The following RGS7BP variants were observed in gnomAD, a reference collection of about 807,000 sequenced individuals.
RGS7BP encodes regulator of G protein signaling 7 binding protein, also known as regulator of G protein signaling 7-binding protein.
In RGS7BP, 9 loss-of-function variants were observed where a neutral mutation model predicts 31.3. The observed-to-expected ratio is 0.29, with a 90% CI of 0.17 to 0.50. RGS7BP has a LOEUF of 0.50. Among genes scored for constraint, RGS7BP ranks in the 20% least tolerant of loss-of-function variants. The pLI is 0.98. For missense variants in RGS7BP, 274 were observed against 322.0 expected, an observed-to-expected ratio of 0.85 and a Z score of 1.14; for synonymous variants, 115 against 120.1, an observed-to-expected ratio of 0.96 and a Z score of 0.28.
chr5:64,520,317 C>T (rs751230526), intron 2 of RGS7BP, among the ~76,000 whole-genome samples: 34 of 152,222 alleles, frequency 2.2e-4, no homozygotes, highest in Middle Eastern at 3.4e-3. Flanking sequence ...GTCTCCTTTC[C>T]CCTGGACACA....
At chr5:64,509,144 T>G (rs2111868594) in intron 2 of RGS7BP, among the ~76,000 whole-genome samples, 1 of 152,222 alleles carries the variant, frequency 6.6e-6, no homozygotes, top group South Asian at 2.1e-4. Context: ...AATTAAGTGG[T>G]TCAGGAGTTT....
intron 2 of RGS7BP, among the ~76,000 whole-genome samples, chr5:64,562,466 TCA>T (rs1561335649): frequency 6.6e-6 from 1 of 152,128 alleles, no homozygotes; most frequent in Non-Finnish European, 1.5e-5. Context: ...TTGCCCAAAA[TCA>T]CACACTTGTA....
At position 64,597,562 on chromosome 5, in the gene RGS7BP, T is replaced by C. The variant is rs115572918; in HGVS notation, c.612-803T>C. Among the ~76,000 whole-genome samples, 1,004 of 151,710 alleles carry C rather than the reference T, an allele frequency of 6.6e-3. 13 individuals carry two copies. Among genetic ancestry groups the C allele is most frequent in the African/African-American group, 0.023 (962 of 41,358 alleles). On this transcript the variant is annotated intron_variant, in intron 4 of 5. Coordinates refer to ENST00000334025, the MANE Select transcript of RGS7BP (RefSeq NM_001029875.3). The stretch of plus-strand genomic sequence containing the variant: ...CCTGGTGAACGCTTAATACCTGAGT[T>C]ATGCTGAATTCCAATCGTAGTAACA...
At position 64,527,606 on chromosome 5, in the gene RGS7BP, T is replaced by TAAA. The variant is rs59081277; in HGVS notation, c.332+19763_332+19765dup. Among the ~76,000 whole-genome samples the TAAA allele has an allele frequency of 2.7e-4, 23 of 86,484 alleles. 1 individual carries two copies. Among genetic ancestry groups the TAAA allele is most frequent in the Middle Eastern group, 9.4e-3 (1 of 106 alleles). The allele number at this position is 86,484 out of a possible 152,430, so 56.7% of individuals were successfully genotyped here. On this transcript the variant is annotated intron_variant, in intron 2 of 5. Transcript: ENST00000334025. Reference sequence around the variant, plus strand: ...TATATTAAAGCATTGCTTATAACAGTAAAAAAAAAAAAAAAAAAAAAAAAA... The same window carrying TAAA: ...TATATTAAAGCATTGCTTATAACAGTAAAAAAAAAAAAAAAAAAAAAAAAAAAA...
At chr5:64,516,089 TCA>T (rs1294875953) in intron 2 of RGS7BP, among the ~76,000 whole-genome samples, 2 of 152,168 alleles carry the variant, frequency 1.3e-5, no homozygotes, top group African/African-American at 4.8e-5. Flanking sequence ...TAGGTGTGAC[TCA>T]CCGCTCTCGA....
At chr5:64,525,506 CTG>C (rs942531547) in intron 2 of RGS7BP, among the ~76,000 whole-genome samples, 3 of 152,192 alleles carry the variant, frequency 2.0e-5, no homozygotes, top group Non-Finnish European at 2.9e-5. Context: ...CCCACTATGA[CTG>C]TGGATATTCT....
At chr5:64,591,725 A>G (rs1249155575) in intron 3 of RGS7BP, among the ~76,000 whole-genome samples, 1 of 152,220 alleles carries the variant, frequency 6.6e-6, no homozygotes, top group African/African-American at 2.4e-5. Context: ...TCCATTAGAA[A>G]GCATTCCATC....
chr5:64,540,588 AT>A (rs1406452954), intron 2 of RGS7BP, among the ~76,000 whole-genome samples: 2 of 152,240 alleles, frequency 1.3e-5, no homozygotes, highest in Non-Finnish European at 2.9e-5. Flanking sequence ...TAAAAGTAAA[AT>A]ACAAGTCAGA....
intron 5 of RGS7BP, among the ~76,000 whole-genome samples, chr5:64,601,148 A>T (rs1171179803): frequency 6.6e-6 from 1 of 152,106 alleles, no homozygotes; most frequent in African/African-American, 2.4e-5. Flanking sequence ...ACCATTATAG[A>T]AAGCCATCTG....
intron 2 of RGS7BP, among the ~76,000 whole-genome samples, chr5:64,564,719 T>C (rs1742129661): frequency 6.6e-6 from 1 of 152,136 alleles, no homozygotes; most frequent in Admixed American, 6.6e-5. Flanking sequence ...CAGACTGTTA[T>C]ATATCCTAAT....
At chr5:64,549,167 C>T (rs1052147764) in intron 2 of RGS7BP, among the ~76,000 whole-genome samples, 1 of 152,098 alleles carries the variant, frequency 6.6e-6, no homozygotes, top group African/African-American at 2.4e-5. Context: ...GGCAGAATTC[C>T]TCGCCAGCTA....
chr5:64,531,010 T>C (rs1374944181), intron 2 of RGS7BP, among the ~76,000 whole-genome samples: 2 of 152,152 alleles, frequency 1.3e-5, no homozygotes, highest in Non-Finnish European at 2.9e-5. Flanking sequence ...GAATCCTAAT[T>C]ATCCCTTCCT....
At chr5:64,579,398 G>T (rs894810434) in intron 3 of RGS7BP, among the ~76,000 whole-genome samples, 5 of 151,774 alleles carry the variant, frequency 3.3e-5, no homozygotes, top group Non-Finnish European at 7.4e-5. Flanking sequence ...ACAAAAATTA[G>T]CTGGGTGTGG....
chr5:64,530,660 T>C (rs1285773031), intron 2 of RGS7BP, among the ~76,000 whole-genome samples: 1 of 152,178 alleles, frequency 6.6e-6, no homozygotes, highest in African/African-American at 2.4e-5. Context: ...ATTAGGTTAT[T>C]TATAATTTTT....
In RGS7BP at chr5:64,537,467, C is replaced by A. The variant is rs192600473; in HGVS notation, c.332+29590C>A. 4.6e-5 allele frequency among the ~76,000 whole-genome samples: 7 copies of A among 152,150 alleles called. No homozygotes were observed. The East Asian group carries it at 1.4e-3, about 29-fold the overall frequency. ...AAATAAGTTTAAGATATATAGTTAG[C>A]GTTGAATTTTTAACCACCCAATTAC... is the stretch of plus-strand genomic sequence containing the variant. On this transcript the variant is annotated intron_variant, in intron 2 of 5. Transcript: ENST00000334025.
At chr5:64,556,964 G>A (rs1221928401) in intron 2 of RGS7BP, among the ~76,000 whole-genome samples, 1 of 152,042 alleles carries the variant, frequency 6.6e-6, no homozygotes, top group African/African-American at 2.4e-5. Flanking sequence ...TCTTACTAGA[G>A]GGAAATGAAT....
chr5:64,594,183 T>C (rs1742998292), intron 3 of RGS7BP, among the ~76,000 whole-genome samples: 1 of 152,264 alleles, frequency 6.6e-6, no homozygotes, highest in Admixed American at 6.5e-5. Context: ...GAAGGATGTG[T>C]TGAAGGAGGT....
chr5:64,604,295 A>T (rs1057245860), intron 5 of RGS7BP, among the ~76,000 whole-genome samples: 8 of 151,864 alleles, frequency 5.3e-5, no homozygotes, highest in African/African-American at 1.7e-4. Flanking sequence ...TCTTCCATAA[A>T]CATCTTTTTC....
chr5:64,552,745 C>T (rs1741825431), intron 2 of RGS7BP, among the ~76,000 whole-genome samples: 2 of 152,022 alleles, frequency 1.3e-5, no homozygotes, highest in South Asian at 4.2e-4. Context: ...GCTTTTGATT[C>T]TGTTTTGTTT....
Sources: gnomAD v4.1 joint callset for allele counts (sites outside exome capture counted in the v4.1 genomes callset) on GRCh38, gnomAD v4.1.1 for gene constraint, MANE v1.5 for transcripts, NCBI Gene and HGNC (gene_info 2026-07-23, HGNC 2026-07-21) for gene names.